SYNE1: variants seen among roughly 807,000 people sequenced by gnomAD.
SYNE1 encodes the protein spectrin repeat containing nuclear envelope protein 1.
Under a neutral mutation model 1,111.0 loss-of-function variants are expected in SYNE1, and 616 were observed. The observed-to-expected ratio is 0.55, with a 90% CI of 0.52 to 0.59. The LOEUF (loss-of-function observed/expected upper bound fraction) is 0.59. SYNE1 is among the 20% of genes least tolerant of loss of function. The probability of loss-of-function intolerance (pLI) is 0.00; values close to 1 mark genes in which losing one functional copy is unlikely to be tolerated. For synonymous variants in SYNE1, 3,855 were observed against 3,825.8 expected (o/e 1.01, Z -0.28); for missense variants, 10,006 against 10,417.0 (o/e 0.96, Z 1.72).
rs562759693 is a variant in SYNE1 at position 152,306,507 on chromosome 6, T to C, written c.17346+1982A>G. The stretch of plus-strand genomic sequence containing the variant: ...TCTAAAAAATAAATAAATAAATAAA[T>C]AAATAAATAAATAAATAAATACCTC... On this transcript the variant is annotated intron_variant, in intron 91 of 145. Coordinates refer to ENST00000367255, the MANE Select transcript of SYNE1 (RefSeq NM_182961.4). 2.2e-3 allele frequency among the ~76,000 whole-genome samples: 324 copies of C among 149,646 alleles called. 3 individuals are homozygous for C. Among genetic ancestry groups the C allele is most frequent in the African/African-American group, 7.6e-3 (312 of 40,888 alleles).
chr6:152,217,040 G>A (rs566347123), intron 121 of SYNE1, among the ~76,000 whole-genome samples: 10 of 143,862 alleles, frequency 7.0e-5, no homozygotes, highest in East Asian at 4.1e-4. Flanking sequence ...TCCAGCCTGC[G>A]CAATAGAGCA....
At chr6:152,297,876 A>C (rs1011858018) in intron 93 of SYNE1, among the ~76,000 whole-genome samples, 2 of 151,810 alleles carry the variant, frequency 1.3e-5, no homozygotes, top group African/African-American at 4.8e-5. Flanking sequence ...CTGGTTTCTT[A>C]AAAGGATTTG....
chr6:152,306,432 G>T (rs1250465753), intron 91 of SYNE1, among the ~76,000 whole-genome samples: 1 of 151,710 alleles, frequency 6.6e-6, no homozygotes, highest in Non-Finnish European at 1.5e-5. Flanking sequence ...GTTGCAGTGG[G>T]CCAAGATTGC....
At chr6:152,469,966 A>G (rs924972582) in intron 16 of SYNE1, among the ~76,000 whole-genome samples, 1 of 152,198 alleles carries the variant, frequency 6.6e-6, no homozygotes, top group African/African-American at 2.4e-5. Context: ...AAACTATTAA[A>G]CAAAATTACC....
At chr6:152,628,222 T>C in intron 3 of SYNE1, 43 bp downstream of exon 3, 2 of 1,596,534 alleles carry the variant, frequency 1.3e-6, no homozygotes, top group Non-Finnish European at 8.6e-7. Context: ...TGGGTTAAGA[T>C]GGTATTTGAA....
chr6:152,151,923 C>T (rs762545434), intron 134 of SYNE1, 36 bp downstream of exon 134: 4 of 1,609,982 alleles, frequency 2.5e-6, no homozygotes, highest in Non-Finnish European at 2.5e-6. Context: ...GTCCCATCCT[C>T]TGGCCTCTAA....
At chr6:152,176,363 C>T in intron 130 of SYNE1, 31 bp downstream of exon 130, 1 of 1,613,522 alleles carries the variant, frequency 6.2e-7, no homozygotes, top group Middle Eastern at 1.8e-4. Flanking sequence ...ATACTGCCCA[C>T]ACGTGCCCTA....
intron 130 of SYNE1, among the ~76,000 whole-genome samples, chr6:152,173,716 G>T (rs1317835826): frequency 6.6e-6 from 1 of 152,140 alleles, no homozygotes; most frequent in East Asian, 1.9e-4. Flanking sequence ...AGTCTAATTT[G>T]GAAGGAGGCA....
At chr6:152,391,597 A>AAAAG in intron 51 of SYNE1, 29 bp from the exon 52 acceptor site, 2 of 1,549,182 alleles carry the variant, frequency 1.3e-6, no homozygotes, top group Non-Finnish European at 1.7e-6. Flanking sequence ...AAAAAAAAGA[A>AAAAG]AAAAAATTAA....
chr6:152,411,514 A>C (rs888947914), intron 42 of SYNE1, among the ~76,000 whole-genome samples: 2 of 151,944 alleles, frequency 1.3e-5, no homozygotes, highest in African/African-American at 4.9e-5. Context: ...GATTGTATAA[A>C]AAGACCTCAA....
chr6:152,216,819 G>A (rs912677096), intron 121 of SYNE1, among the ~76,000 whole-genome samples: 10 of 152,198 alleles, frequency 6.6e-5, no homozygotes, highest in African/African-American at 2.4e-4. Context: ...GCTTTGGGAG[G>A]CCAAGGAGGG....
chr6:152,305,491 C>T lies in SYNE1; in HGVS notation c.17346+2998G>A, dbSNP rs1041706724. On this transcript the variant is annotated intron_variant, in intron 91 of 145. Transcript: ENST00000367255. ...TATTGGCCAGGCTGGTCTCAAACTC[C>T]TGACCTTGTGATCTGCCCGCCTTGG... 6.2e-4 allele frequency among the ~76,000 whole-genome samples: 94 copies of T among 152,114 alleles called. 1 individual carries two copies. Among genetic ancestry groups the T allele is most frequent in the African/African-American group, 2.2e-3 (90 of 41,402 alleles).
Position 152,455,994 on chromosome 6 carries a change from C to G in SYNE1, c.2619G>C (p.Glu873Asp). ...ACTTTTGAACACTTTGACTGCCTTT[C>G]TCAATAAGTGTCAAGGTTTTCTTAC... ...ENCKKTLTLI[E>D]KGSQSVQKFV... The change falls in exon 23 of 146, where the codon GAG becomes GAC. Residue 873 changes from glutamate (E) to aspartate (D), a missense_variant. Glu to Asp is a conservative substitution (Grantham distance 45). Coordinates refer to ENST00000367255, the MANE Select transcript of SYNE1 (RefSeq NM_182961.4). The G allele has an allele frequency of 1.2e-6, 2 of 1,614,046 alleles. No individual in the cohort carries two copies. The highest frequency in any genetic ancestry group is 1.7e-6 in the Non-Finnish European group (2 of 1,179,994).
At chr6:152,522,887 T>A (rs1033708092) in intron 5 of SYNE1, among the ~76,000 whole-genome samples, 1 of 152,126 alleles carries the variant, frequency 6.6e-6, no homozygotes, top group Non-Finnish European at 1.5e-5. Context: ...TTGCCCACGT[T>A]TTGATGGTAT....
At position 152,352,046 on chromosome 6, in the gene SYNE1, G is replaced by A. The variant is rs1563277211; in HGVS notation, c.11561C>T (p.Ala3854Val). The A allele has an allele frequency of 3.1e-6, 5 of 1,613,972 alleles. 1 individual carries two copies. The South Asian group carries it at 5.5e-5, about 18-fold the overall frequency. The change falls in exon 70 of 146, where the codon GCT becomes GTT. Residue 3854 changes from alanine (A) to valine (V), a missense_variant. Ala to Val is a moderately conservative substitution (Grantham distance 64). Transcript: ENST00000367255. ...EPKMELYEKK[A>V]QLSKYKSLQQ... ...CACTACCTTGTATTTAGATAACTGA[G>A]CTTTTTTCTCATATAATTCCATTTT...
chr6:152,412,423 C>CA (rs1168538010), intron 42 of SYNE1, among the ~76,000 whole-genome samples: 2,062 of 72,102 alleles, frequency 0.029, 32 homozygotes, highest in African/African-American at 0.062. Context: ...GACTCCGTCT[C>CA]AAAAAAAAAA....
chr6:152,376,255 G>A (rs1591441558), intron 58 of SYNE1, 126 bp downstream of exon 58: 2 of 956,516 alleles, frequency 2.1e-6, no homozygotes, highest in East Asian at 5.0e-5. Context: ...CCTGCTGTGC[G>A]GCCTGGTTCC....
intron 73 of SYNE1, among the ~76,000 whole-genome samples, chr6:152,346,655 A>C (rs2096638091): frequency 6.6e-6 from 1 of 151,880 alleles, no homozygotes; most frequent in African/African-American, 2.4e-5. Context: ...CTAAAAATAC[A>C]AAAAATTAGC....
chr6:152,393,306 A>G (rs2097676591), intron 51 of SYNE1, among the ~76,000 whole-genome samples: 1 of 152,186 alleles, frequency 6.6e-6, no homozygotes, highest in African/African-American at 2.4e-5. Flanking sequence ...AGCAGCCTGT[A>G]GAGACGAAAT....
Sources: gnomAD v4.1 joint callset for allele counts (sites outside exome capture counted in the v4.1 genomes callset) on GRCh38, gnomAD v4.1.1 for gene constraint, MANE v1.5 for transcripts, NCBI Gene and HGNC (gene_info 2026-07-23, HGNC 2026-07-21) for gene names.